Variants in FRMD3 observed in about 807,000 individuals in gnomAD.
FRMD3 encodes FERM domain-containing protein 3.
In FRMD3, 33 loss-of-function variants were observed where a neutral mutation model predicts 70.2. The ratio of observed to expected loss-of-function variants is 0.47; its 90% CI spans 0.36 to 0.63. The LOEUF is 0.63. Ranked by LOEUF, FRMD3 falls within the 20% of genes least tolerant of loss-of-function variation. FRMD3 has a pLI of 0.00. For synonymous variants in FRMD3, 279 were observed against 255.9 expected (o/e 1.09, Z -0.86); for missense variants, 632 against 711.4 (o/e 0.89, Z 1.27).
At chr9:83,561,419 G>A in the FRMD3 span, among the ~76,000 whole-genome samples, 1 of 152,158 alleles carries the variant, frequency 6.6e-6, no homozygotes, top group African/African-American at 2.4e-5. Context: ...CAGGGCGGCT[G>A]CTATGCACCA....
At chr9:83,344,254 C>T (rs1026683521) in intron 4 of FRMD3, among the ~76,000 whole-genome samples, 1 of 152,204 alleles carries the variant, frequency 6.6e-6, no homozygotes, top group African/African-American at 2.4e-5. Flanking sequence ...TTCCGTGCTT[C>T]CTTTAGAGTT....
rs1438430611 is a variant in FRMD3 at position 83,244,710 on chromosome 9, A to C, written c.*3208T>G. The C allele has an allele frequency of 1.0e-6, 1 of 984,862 alleles. No homozygotes were observed. The highest frequency in any genetic ancestry group is 1.2e-6 in the Non-Finnish European group (1 of 829,506). 61.0% of individuals were successfully genotyped at this position (984,862 alleles called of 1,614,324 possible). ...ATGTTGACATAGAAATGCAAATTTC[A>C]CTATACAAAGGTAAGGCTCCAATCA... On this transcript the variant is annotated 3_prime_UTR_variant, in exon 14 of 14. Coordinates refer to ENST00000304195, the MANE Select transcript of FRMD3 (RefSeq NM_174938.6).
intron 1 of FRMD3, among the ~76,000 whole-genome samples, chr9:83,486,629 C>T (rs1165948208): frequency 6.6e-6 from 1 of 152,144 alleles, no homozygotes; most frequent in African/African-American, 2.4e-5. Flanking sequence ...TGGCTAAGTC[C>T]TCACAAGCAA....
chr9:83,515,842 T>G (rs746164907), intron 1 of FRMD3, among the ~76,000 whole-genome samples: 1 of 152,090 alleles, frequency 6.6e-6, no homozygotes, highest in Non-Finnish European at 1.5e-5. Flanking sequence ...GAATTTTCAA[T>G]CCAGAATTTC....
intron 1 of FRMD3, chr9:83,467,849 G>A (rs1352278266): frequency 5.2e-6 from 7 of 1,348,204 alleles, no homozygotes; most frequent in Admixed American, 3.2e-5. Flanking sequence ...TAGGTTGATG[G>A]TTTTTTAAAA....
intron 3 of FRMD3, chr9:83,350,759 A>G (rs1824129248): frequency 1.0e-6 from 1 of 981,256 alleles, no homozygotes; most frequent in South Asian, 4.7e-5. Context: ...GTTGAGGTTC[A>G]TGATTCTGGA....
chr9:83,557,470 C>T, the FRMD3 span, among the ~76,000 whole-genome samples: 35 of 152,190 alleles, frequency 2.3e-4, no homozygotes, highest in African/African-American at 8.4e-4. Context: ...TGTCAACAGC[C>T]TAATTGGGAC....
At chr9:83,281,897 C>T (rs1169495024) in intron 13 of FRMD3, among the ~76,000 whole-genome samples, 2 of 152,124 alleles carry the variant, frequency 1.3e-5, no homozygotes, top group African/African-American at 2.4e-5. Context: ...CACCCTGTCC[C>T]GTATACACAC....
At chr9:83,257,468 C>T (rs1832765811) in intron 13 of FRMD3, among the ~76,000 whole-genome samples, 1 of 151,964 alleles carries the variant, frequency 6.6e-6, no homozygotes, top group Admixed American at 6.6e-5. Context: ...ACACGTTTAC[C>T]TATGTAACAA....
intron 1 of FRMD3, among the ~76,000 whole-genome samples, chr9:83,507,687 C>CACATATATATAT (rs1374507996): frequency 4.3e-5 from 2 of 46,930 alleles, no homozygotes; most frequent in African/African-American, 5.7e-5. Flanking sequence ...AAAAAATATA[C>CACATATATATAT]ATACATATAT....
At chr9:83,324,959 C>T (rs1835952928) in intron 6 of FRMD3, among the ~76,000 whole-genome samples, 1 of 152,224 alleles carries the variant, frequency 6.6e-6, no homozygotes, top group Admixed American at 6.5e-5. Context: ...GCCTGCTCTC[C>T]TGCGTGCCAT....
At chr9:83,307,694 T>C (rs1329913031) in intron 10 of FRMD3, among the ~76,000 whole-genome samples, 1 of 152,162 alleles carries the variant, frequency 6.6e-6, no homozygotes, top group Non-Finnish European at 1.5e-5. Flanking sequence ...AGGTTTATTT[T>C]GGGAAGGATA....
chr9:83,476,915 T>C (rs1018456655), intron 1 of FRMD3, among the ~76,000 whole-genome samples: 20 of 152,212 alleles, frequency 1.3e-4, no homozygotes, highest in African/African-American at 4.1e-4. Flanking sequence ...TCATTGCCTT[T>C]TCTCCTAGAT....
rs1203354832 is a variant in FRMD3 at position 83,246,104 on chromosome 9, T to A, written c.*1814A>T. The A allele has an allele frequency of 1.0e-6, 1 of 984,684 alleles. No individual in the cohort carries two copies. The highest frequency in any genetic ancestry group is 1.7e-5 in the African/African-American group (1 of 57,226). The allele number at this position is 984,684 out of a possible 1,614,324, so 61.0% of individuals were successfully genotyped here. On this transcript the variant is annotated 3_prime_UTR_variant, in exon 14 of 14. Transcript: ENST00000304195. ...TTCCAAAATTAAATGTCCAGTGAAGTACTCAGAGCTCCACTGAGTGAGTGG... is the reference window on the plus strand; with the variant it reads ...TTCCAAAATTAAATGTCCAGTGAAGAACTCAGAGCTCCACTGAGTGAGTGG...
intron 1 of FRMD3, among the ~76,000 whole-genome samples, chr9:83,396,291 A>G (rs1825809464): frequency 1.3e-5 from 2 of 152,234 alleles, no homozygotes; most frequent in Admixed American, 6.5e-5. Context: ...GGTTACCCAC[A>G]ACAACACCAG....
At chr9:83,457,588 T>C (rs1322240237) in intron 1 of FRMD3, among the ~76,000 whole-genome samples, 1 of 152,222 alleles carries the variant, frequency 6.6e-6, no homozygotes, top group East Asian at 1.9e-4. Flanking sequence ...TAGTGCTTAA[T>C]ATAATGTAAA....
At chr9:83,426,873 A>G (rs1212008970) in intron 1 of FRMD3, among the ~76,000 whole-genome samples, 4 of 152,236 alleles carry the variant, frequency 2.6e-5, no homozygotes, top group African/African-American at 9.6e-5. Context: ...TGGTCCAGAC[A>G]AGCTTCGGTT....
chr9:83,521,701 A>G (rs959590746), intron 1 of FRMD3, among the ~76,000 whole-genome samples: 2 of 151,906 alleles, frequency 1.3e-5, no homozygotes, highest in Non-Finnish European at 2.9e-5. Context: ...TCTGACCCCC[A>G]CTCCACTGTC....
intron 3 of FRMD3, among the ~76,000 whole-genome samples, chr9:83,363,065 G>T (rs1479322857): frequency 1.4e-5 from 2 of 145,576 alleles, no homozygotes; most frequent in African/African-American, 2.6e-5. Context: ...CTCTCCTTTT[G>T]CTTATTTTAT....
Sources: allele counts gnomAD v4.1 joint callset (sites outside exome capture counted in the v4.1 genomes callset), GRCh38; gene constraint gnomAD v4.1.1; transcripts MANE v1.5; gene names NCBI Gene and HGNC (gene_info 2026-07-23, HGNC 2026-07-21).